ULK4: variants seen among roughly 807,000 people sequenced by gnomAD.
ULK4 encodes the protein inactive serine/threonine-protein kinase ULK4.
Under a neutral mutation model 160.6 loss-of-function variants are expected in ULK4, and 133 were observed. That is an observed-to-expected ratio of 0.83 (90% CI 0.72 to 0.96). The LOEUF is 0.96. Ranked by LOEUF, ULK4 falls within the 40% of genes least tolerant of loss-of-function variation. The probability of loss-of-function intolerance (pLI) is 0.00; values close to 1 mark genes in which losing one functional copy is unlikely to be tolerated. For synonymous variants in ULK4, 534 were observed against 539.8 expected (o/e 0.99, Z 0.15); for missense variants, 1,580 against 1,499.5 (o/e 1.05, Z -0.89).
At chr3:41,705,634 T>C (rs2036851523) in intron 25 of ULK4, among the ~76,000 whole-genome samples, 2 of 152,070 alleles carry the variant, frequency 1.3e-5, no homozygotes, top group Non-Finnish European at 2.9e-5. Context: ...GTATCTGGGA[T>C]TACAGGCATG....
intron 35 of ULK4, among the ~76,000 whole-genome samples, chr3:41,395,191 CAA>C (rs11365283): frequency 0.013 from 1,421 of 106,302 alleles, 16 homozygotes; most frequent in African/African-American, 0.038. Context: ...GAAAGCACTC[CAA>C]AAAAAAAAAA....
At chr3:41,384,585 C>A (rs1350864027) in intron 35 of ULK4, among the ~76,000 whole-genome samples, 1 of 151,936 alleles carries the variant, frequency 6.6e-6, no homozygotes, top group African/African-American at 2.4e-5. Flanking sequence ...TAGAGTCTGT[C>A]TATATAAATT....
intron 30 of ULK4, among the ~76,000 whole-genome samples, chr3:41,648,438 G>T (rs947154747): frequency 2.6e-5 from 4 of 152,148 alleles, no homozygotes; most frequent in Admixed American, 2.0e-4. Context: ...CAATAACAAG[G>T]CCTTAGGACA....
At chr3:41,445,172 T>G (rs544388769) in intron 34 of ULK4, among the ~76,000 whole-genome samples, 1 of 152,294 alleles carries the variant, frequency 6.6e-6, no homozygotes, top group African/African-American at 2.4e-5. Flanking sequence ...ACAAGGGATG[T>G]GAAGGACCTC....
At chr3:41,761,562 A>T (rs2038987011) in intron 21 of ULK4, among the ~76,000 whole-genome samples, 1 of 151,814 alleles carries the variant, frequency 6.6e-6, no homozygotes, top group African/African-American at 2.4e-5. Flanking sequence ...TGTCAGTCTG[A>T]GACTTTCAAA....
chr3:41,388,733 T>C (rs1347642310), intron 35 of ULK4, among the ~76,000 whole-genome samples: 1 of 152,096 alleles, frequency 6.6e-6, no homozygotes, highest in Non-Finnish European at 1.5e-5. Context: ...CATTGATCTA[T>C]ATCTCTGTTT....
intron 35 of ULK4, among the ~76,000 whole-genome samples, chr3:41,252,385 C>T (rs2078757921): frequency 6.6e-6 from 1 of 152,096 alleles, no homozygotes; most frequent in Non-Finnish European, 1.5e-5. Context: ...ATCACTAACA[C>T]TCTTGAAACA....
chr3:41,753,576 G>A (rs936388222), intron 22 of ULK4, among the ~76,000 whole-genome samples: 5 of 152,112 alleles, frequency 3.3e-5, no homozygotes, highest in Non-Finnish European at 5.9e-5. Context: ...TTACAAGCCG[G>A]GAGAAAGACC....
intron 32 of ULK4, among the ~76,000 whole-genome samples, chr3:41,528,055 ATTAT>A (rs909237651): frequency 6.6e-6 from 1 of 152,246 alleles, no homozygotes; most frequent in African/African-American, 2.4e-5. Flanking sequence ...AAGAAAACAG[ATTAT>A]TTGAGTATGT....
At chr3:41,678,262 C>T (rs56039855) in intron 29 of ULK4, among the ~76,000 whole-genome samples, 9,966 of 151,640 alleles carry the variant, frequency 0.066, 666 homozygotes, top group African/African-American at 0.17. Flanking sequence ...GGAGAGCCAT[C>T]ATACAGATAT....
rs1575549940 is a variant in ULK4, at chr3:41,431,502, C to T, written c.3492+23995G>A. Among the ~76,000 whole-genome samples the T allele has an allele frequency of 2.1e-5, 3 of 142,906 alleles. No individual in the cohort carries two copies. The South Asian group carries it at 6.7e-4, about 32-fold the overall frequency. The allele number at this position is 142,906 out of a possible 152,430, so 93.8% of individuals were successfully genotyped here. On this transcript the variant is annotated intron_variant, in intron 34 of 36. Transcript: ENST00000301831. Reference sequence around the variant, plus strand: ...TGCTAAGAGTTCTTCATGCATTAATCTTTTAGCCTTCTCAACAATCCTGTG... The same window carrying T: ...TGCTAAGAGTTCTTCATGCATTAATTTTTTAGCCTTCTCAACAATCCTGTG...
At chr3:41,273,408 C>G (rs1005776735) in intron 35 of ULK4, among the ~76,000 whole-genome samples, 3 of 152,132 alleles carry the variant, frequency 2.0e-5, no homozygotes, top group Admixed American at 2.0e-4. Context: ...GGGCATTGTT[C>G]CCTTTAATCC....
At chr3:41,796,602 AAAAG>A (rs954672131) in intron 20 of ULK4, among the ~76,000 whole-genome samples, 37 of 152,104 alleles carry the variant, frequency 2.4e-4, no homozygotes, top group African/African-American at 8.9e-4. Context: ...GAGGAAAACA[AAAAG>A]AAAGAAAGAG....
intron 23 of ULK4, among the ~76,000 whole-genome samples, chr3:41,716,821 A>C (rs983291876): frequency 5.3e-5 from 8 of 152,212 alleles, no homozygotes; most frequent in African/African-American, 1.9e-4. Flanking sequence ...AGCTGTAATA[A>C]ACATCCTTTG....
intron 30 of ULK4, among the ~76,000 whole-genome samples, chr3:41,621,440 G>C (rs956043018): frequency 2.0e-5 from 3 of 152,134 alleles, no homozygotes; most frequent in African/African-American, 7.2e-5. Context: ...GAACAGAACA[G>C]AGACCTCAGA....
intron 19 of ULK4, among the ~76,000 whole-genome samples, chr3:41,805,122 A>T (rs1354723689): frequency 6.6e-6 from 1 of 152,168 alleles, no homozygotes; most frequent in Non-Finnish European, 1.5e-5. Flanking sequence ...TGAGCATGGA[A>T]TGTTCTTCCA....
chr3:41,743,330 A>C (rs573431118), intron 22 of ULK4, among the ~76,000 whole-genome samples: 1 of 151,914 alleles, frequency 6.6e-6, no homozygotes, highest in South Asian at 2.1e-4. Flanking sequence ...AAAGACTAAA[A>C]AGGAAAAAAA....
At chr3:41,756,632 G>A (rs1015210778) in intron 21 of ULK4, among the ~76,000 whole-genome samples, 41 of 152,174 alleles carry the variant, frequency 2.7e-4, no homozygotes, top group Non-Finnish European at 1.2e-4. Context: ...CTATCTGTAA[G>A]GAAGCTGGTC....
intron 19 of ULK4, among the ~76,000 whole-genome samples, chr3:41,804,954 T>C (rs1287965357): frequency 1.3e-5 from 2 of 152,156 alleles, no homozygotes; most frequent in Non-Finnish European, 2.9e-5. Context: ...TAGGACTGAC[T>C]TGGCGATGCG....
Sources: allele counts gnomAD v4.1 joint callset (sites outside exome capture counted in the v4.1 genomes callset), GRCh38; gene constraint gnomAD v4.1.1; transcripts MANE v1.5; gene names NCBI Gene and HGNC (gene_info 2026-07-23, HGNC 2026-07-21).